Variants in GLS observed in about 807,000 individuals in gnomAD.
GLS encodes the protein glutaminase, also known as glutaminase kidney isoform, mitochondrial.
Under a neutral mutation model 86.7 loss-of-function variants are expected in GLS, and 36 were observed. The ratio of observed to expected loss-of-function variants is 0.42; its 90% CI spans 0.32 to 0.55. GLS has a LOEUF of 0.55. Among genes scored for constraint, GLS ranks in the 20% least tolerant of loss-of-function variants. GLS has a pLI of 0.17. For missense variants in GLS, 528 were observed against 833.4 expected (o/e 0.63, Z 4.51); for synonymous variants, 317 against 305.9 (o/e 1.04, Z -0.38).
chr2:190,888,815 A>G lies in GLS; in HGVS notation c.387-6337A>G, dbSNP rs114914689. Among the ~76,000 whole-genome samples, 800 of 152,152 alleles carry G rather than the reference A, an allele frequency of 5.3e-3. 6 individuals are homozygous for G. Among genetic ancestry groups the G allele is most frequent in the African/African-American group, 0.018 (753 of 41,502 alleles). ...ATCTTGTATCAGTTGACTGTTCTTC[A>G]TGTCTCTACTTTAGCTATCCTCCTT... On this transcript the variant is annotated intron_variant, in intron 1 of 17. Coordinates refer to ENST00000320717, the MANE Select transcript of GLS (RefSeq NM_014905.5).
At chr2:190,942,497 C>T (rs537199437) in intron 14 of GLS, among the ~76,000 whole-genome samples, 1 of 152,176 alleles carries the variant, frequency 6.6e-6, no homozygotes, top group African/African-American at 2.4e-5. Flanking sequence ...GTGTTGGTGG[C>T]TTGGACTAGA....
intron 1 of GLS, among the ~76,000 whole-genome samples, chr2:190,892,796 G>A (rs1482586334): frequency 6.6e-6 from 1 of 152,050 alleles, no homozygotes; most frequent in Non-Finnish European, 1.5e-5. Context: ...AGCTTATTTT[G>A]TGAGCTTATT....
At chr2:190,889,170 G>A (rs1191235292) in intron 1 of GLS, among the ~76,000 whole-genome samples, 1 of 152,134 alleles carries the variant, frequency 6.6e-6, no homozygotes, top group Non-Finnish European at 1.5e-5. Flanking sequence ...TAAGCTGCCC[G>A]CAGATATTAA....
intron 9 of GLS, among the ~76,000 whole-genome samples, chr2:190,922,214 C>T (rs373914163): frequency 2.0e-4 from 30 of 152,084 alleles, no homozygotes; most frequent in African/African-American, 3.6e-4. Flanking sequence ...GGCAGCAGGC[C>T]GTATAGTGGA....
rs759674353 is a variant in GLS, at chr2:190,954,759, T to C, written c.1794T>C (p.His598=). 1.2e-6 allele frequency: 2 copies of C among 1,613,880 alleles called. No homozygotes were observed. Among genetic ancestry groups the C allele is most frequent in the Non-Finnish European group, 1.7e-6 (2 of 1,179,864 alleles). The change falls in exon 17 of 18, where the codon CAT becomes CAC. Residue 598 remains histidine (H), a synonymous_variant. Transcript: ENST00000320717. This position sits in a 1 kb window ranked among gnomAD's most constrained non-coding sequence, Gnocchi z 4.0. Reference sequence around the variant, plus strand: ...TTTGGGGGTGGGACGGTATAGGTCATGTTGAAGTTGTTAAATTTTTGCTGG... The same window carrying C: ...TTTGGGGGTGGGACGGTATAGGTCACGTTGAAGTTGTTAAATTTTTGCTGG... ...TALHVAAAEG[H]VEVVKFLLEA... is the part of the protein sequence containing the mutation.
At chr2:190,907,029 A>G (rs894856164) in intron 6 of GLS, among the ~76,000 whole-genome samples, 2 of 149,314 alleles carry the variant, frequency 1.3e-5, no homozygotes, top group Non-Finnish European at 3.0e-5. Flanking sequence ...CCCCGGGTTC[A>G]CGCCATTCCC....
In GLS at chr2:190,927,741, T is replaced by C. The variant is rs945482419; in HGVS notation, c.1425+259T>C. 8.7e-5 allele frequency: 23 copies of C among 264,640 alleles called. 1 individual carries two copies. Among genetic ancestry groups the C allele is most frequent in the Non-Finnish European group, 1.4e-4 (20 of 139,862 alleles). The allele number at this position is 264,640 out of a possible 1,614,324, so 16.4% of individuals were successfully genotyped here. ...AATCCAGTGTACAAGGTTAGTACAG[T>C]CTTTCTTTACTTTTTGTTTTTAATG... On this transcript the variant is annotated intron_variant, in intron 12 of 17. Transcript: ENST00000320717.
intron 14 of GLS, chr2:190,932,972 T>C: frequency 7.9e-7 from 1 of 1,267,776 alleles, no homozygotes; most frequent in Non-Finnish European, 1.0e-6. Flanking sequence ...TTCTCAATCT[T>C]GGGTGCTGGA....
rs1422023049 is a variant in GLS, at chr2:190,897,984, C to A, written c.605+2259C>A. ...TCGAAAGTTGGAGACTGCCTGTACC[C>A]AGGTTGATAGTCAATTGTTTTTAAT... On this transcript the variant is annotated intron_variant, in intron 3 of 17. Coordinates refer to ENST00000320717, the MANE Select transcript of GLS (RefSeq NM_014905.5). The surrounding 1 kb of genome is among the most constrained non-coding windows in gnomAD (Gnocchi z 4.3). 1.3e-5 allele frequency among the ~76,000 whole-genome samples: 2 copies of A among 152,080 alleles called. No homozygotes were observed. Among genetic ancestry groups the A allele is most frequent in the African/African-American group, 4.8e-5 (2 of 41,402 alleles).
intron 14 of GLS, chr2:190,932,752 C>A (rs545013471): frequency 1.2e-6 from 2 of 1,602,232 alleles, no homozygotes; most frequent in South Asian, 1.1e-5. Context: ...AAGTCTCCAA[C>A]AAGAACTTGC....
At chr2:190,934,240 AAAG>A in intron 14 of GLS, 1 of 959,634 alleles carries the variant, frequency 1.0e-6, no homozygotes, top group Non-Finnish European at 1.2e-6. Flanking sequence ...GTGTAGCAAA[AAAG>A]ATTTCACTGA....
At chr2:190,888,916 ACC>A (rs1688476823) in intron 1 of GLS, among the ~76,000 whole-genome samples, 1 of 152,214 alleles carries the variant, frequency 6.6e-6, no homozygotes, top group Non-Finnish European at 1.5e-5. Flanking sequence ...CATAAAAATT[ACC>A]ACTTTAACCA....
At chr2:190,896,594 G>A (rs1688750661) in intron 3 of GLS, 1 of 152,136 alleles carries the variant, frequency 6.6e-6, no homozygotes, top group Non-Finnish European at 1.5e-5. Context: ...ATTTGTTCTA[G>A]ATGTCTCCTG....
rs1334848009 is a variant in GLS, at chr2:190,889,648, G to T, written c.387-5504G>T. On this transcript the variant is annotated intron_variant, in intron 1 of 17. Transcript: ENST00000320717. ...GTTATTGGAAAAACTAACAGAGTTGGATGTTATAGACTTGATCTCCCCAGA... is the reference window on the plus strand; with the variant it reads ...GTTATTGGAAAAACTAACAGAGTTGTATGTTATAGACTTGATCTCCCCAGA... Among the ~76,000 whole-genome samples, 6 of 152,122 alleles carry T rather than the reference G, an allele frequency of 3.9e-5. No individual in the cohort carries two copies. The East Asian group carries it at 7.7e-4, about 20-fold the overall frequency.
intron 14 of GLS, chr2:190,934,107 C>T (rs753611615): frequency 2.0e-6 from 2 of 979,980 alleles, no homozygotes; most frequent in Non-Finnish European, 2.4e-6. Flanking sequence ...CCCATAGTTC[C>T]CCTATAATTT....
At chr2:190,940,066 AG>A (rs1690381363) in intron 14 of GLS, among the ~76,000 whole-genome samples, 1 of 151,882 alleles carries the variant, frequency 6.6e-6, no homozygotes, top group Non-Finnish European at 1.5e-5. Context: ...TTGCCATTGT[AG>A]TTTAATTTTC....
rs1331383366 is a variant in GLS at position 190,921,927 on chromosome 2, C to CA, written c.1130+725dup. ...ATTCAGGAACAAATCAAGGTTCTTA[C>CA]ATTGTATTTATTACGATGTCTGTTT... is the stretch of plus-strand genomic sequence containing the variant. On this transcript the variant is annotated intron_variant, in intron 9 of 17. Transcript: ENST00000320717. The surrounding 1 kb of genome is among the most constrained non-coding windows in gnomAD (Gnocchi z 4.2). Among the ~76,000 whole-genome samples, 2 of 152,172 alleles carry CA rather than the reference C, an allele frequency of 1.3e-5. No homozygotes were observed. The highest frequency in any genetic ancestry group is 3.9e-4 in the East Asian group (2 of 5,194).
rs774858686 is a variant in GLS, at chr2:190,938,625, A to G, written c.1650+6988A>G. On this transcript the variant is annotated intron_variant, in intron 14 of 17. Transcript: ENST00000320717. The surrounding 1 kb of genome is among the most constrained non-coding windows in gnomAD (Gnocchi z 4.1). Reference sequence around the variant, plus strand: ...CTAGCACTTTGCTTTTTCTATTAGCATATTTAGATTTTTTTCTCTTGAGGG... The same window carrying G: ...CTAGCACTTTGCTTTTTCTATTAGCGTATTTAGATTTTTTTCTCTTGAGGG... Among the ~76,000 whole-genome samples the G allele has an allele frequency of 3.3e-5, 5 of 151,532 alleles. No individual in the cohort carries two copies. The highest frequency in any genetic ancestry group is 7.4e-5 in the Non-Finnish European group (5 of 67,620).
Position 190,912,490 on chromosome 2 carries a change from T to C in GLS, c.1038+2169T>C, listed in dbSNP as rs111514026. Among the ~76,000 whole-genome samples, 37 of 152,232 alleles carry C rather than the reference T, an allele frequency of 2.4e-4. 1 individual carries two copies. The highest frequency in any genetic ancestry group is 8.7e-4 in the African/African-American group (36 of 41,564). Reference sequence around the variant, plus strand: ...AAAGGATTAAATTCATATAAATATCTATAATGTGATCTCTGCAAATTGTAT... The same window carrying C: ...AAAGGATTAAATTCATATAAATATCCATAATGTGATCTCTGCAAATTGTAT... On this transcript the variant is annotated intron_variant, in intron 7 of 17. Coordinates refer to ENST00000320717, the MANE Select transcript of GLS (RefSeq NM_014905.5).
Sources: gnomAD v4.1 joint callset for allele counts (sites outside exome capture counted in the v4.1 genomes callset) on GRCh38, gnomAD v4.1.1 for gene constraint, Gnocchi (gnomAD v3.1) non-coding constraint, MANE v1.5 for transcripts, NCBI Gene and HGNC (gene_info 2026-07-23, HGNC 2026-07-21) for gene names.